TMEM114: variants seen among roughly 807,000 people sequenced by gnomAD.
TMEM114 encodes claudin-26.
TMEM114 carries 6 observed loss-of-function variants against 6.2 expected under a neutral mutation model. The observed-to-expected ratio is 0.97, with a 90% CI of 0.53 to 1.91. The LOEUF (loss-of-function observed/expected upper bound fraction) is 1.91. Among genes scored for constraint, TMEM114 ranks in the 40% most tolerant of loss-of-function variants. TMEM114 has a pLI of 0.01. For missense variants in TMEM114, 218 were observed against 158.3 expected, an observed-to-expected ratio of 1.38 and a Z score of -2.02; for synonymous variants, 104 against 73.0, an observed-to-expected ratio of 1.42 and a Z score of -2.16.
intron 2 of TMEM114, among the ~76,000 whole-genome samples, chr16:8,562,737 TGACG>T (rs1901303408): frequency 6.6e-6 from 1 of 150,972 alleles, no homozygotes; most frequent in African/African-American, 2.5e-5. Flanking sequence ...AGGGAATGAG[TGACG>T]GAGTAAATGA....
chr16:8,538,771 G>A (rs889439820), intron 2 of TMEM114, among the ~76,000 whole-genome samples: 1 of 152,204 alleles, frequency 6.6e-6, no homozygotes, highest in Non-Finnish European at 1.5e-5. Context: ...CTCCCAAGGT[G>A]CTGGGATTAC....
At chr16:8,565,065 ATGAG>A (rs541918501), downstream of TMEM114, among the ~76,000 whole-genome samples, 34 of 146,664 alleles carry the variant, frequency 2.3e-4, no homozygotes, top group East Asian at 4.1e-4. Flanking sequence ...GAGTGAGTGA[ATGAG>A]TGAGTGAGTG....
At chr16:8,589,185 C>T (rs1902406774) in intron 2 of TMEM114, 28 bp downstream of exon 2, 1 of 398,680 alleles carries the variant, frequency 2.5e-6, no homozygotes, top group Non-Finnish European at 4.4e-6. Flanking sequence ...CGGGGCGCTC[C>T]CTCCATCCTC....
chr16:8,576,043 G>A (rs1901914523), intron 2 of TMEM114, among the ~76,000 whole-genome samples: 1 of 152,062 alleles, frequency 6.6e-6, no homozygotes, highest in African/African-American at 2.4e-5. Context: ...ATAATCTCTT[G>A]GAACTCCGAC....
chr16:8,557,242 G>C (rs926161215), intron 2 of TMEM114, among the ~76,000 whole-genome samples: 1 of 152,128 alleles, frequency 6.6e-6, no homozygotes, highest in Non-Finnish European at 1.5e-5. Flanking sequence ...TCTGAGACTA[G>C]GTCACAAAAG....
At chr16:8,556,185 G>A (rs1022313300) in intron 2 of TMEM114, among the ~76,000 whole-genome samples, 39 of 151,596 alleles carry the variant, frequency 2.6e-4, no homozygotes, top group African/African-American at 7.8e-4. Context: ...TCTCCTTCCC[G>A]CCAGCTCTGC....
At chr16:8,570,220 G>T (rs1301361380) in intron 3 of TMEM114, among the ~76,000 whole-genome samples, 1 of 152,210 alleles carries the variant, frequency 6.6e-6, no homozygotes, top group African/African-American at 2.4e-5. Context: ...ACACATGGCA[G>T]CTCACGCTTC....
chr16:8,552,087 A>T (rs938317072), intron 2 of TMEM114, among the ~76,000 whole-genome samples: 8 of 152,098 alleles, frequency 5.3e-5, no homozygotes, highest in Non-Finnish European at 1.0e-4. Context: ...CAAGGACTAT[A>T]AGGGGGACCA....
At chr16:8,541,271 T>A (rs6501156) in intron 2 of TMEM114, among the ~76,000 whole-genome samples, 127,563 of 152,192 alleles carry the variant, frequency 0.84, 53,826 homozygotes, top group African/African-American at 0.93. Flanking sequence ...ACTTATGTCT[T>A]ACTCAAGAGC....
At chr16:8,534,927 G>A (rs1171417776), downstream of TMEM114, among the ~76,000 whole-genome samples, 1 of 152,212 alleles carries the variant, frequency 6.6e-6, no homozygotes, top group Non-Finnish European at 1.5e-5. Flanking sequence ...CAGCACTTAG[G>A]TCCCTGTGCA....
At chr16:8,588,628 C>T (rs1279198024) in intron 2 of TMEM114, among the ~76,000 whole-genome samples, 1 of 152,168 alleles carries the variant, frequency 6.6e-6, no homozygotes, top group African/African-American at 2.4e-5. Context: ...TACTAAGAAC[C>T]AACCAGGAAT....
chr16:8,564,107 A>AC (rs1901415903), intron 2 of TMEM114, among the ~76,000 whole-genome samples: 1 of 139,976 alleles, frequency 7.1e-6, no homozygotes, highest in Admixed American at 7.0e-5. Flanking sequence ...ATGAGTGAGG[A>AC]AATAAGTAAG....
intron 2 of TMEM114, among the ~76,000 whole-genome samples, chr16:8,587,943 G>A (rs1902365468): frequency 6.6e-6 from 1 of 151,800 alleles, no homozygotes; most frequent in South Asian, 2.1e-4. Flanking sequence ...TGACCCAGGA[G>A]TTCAAGACCA....
chr16:8,585,588 C>A (rs1351611678), intron 2 of TMEM114, among the ~76,000 whole-genome samples: 2 of 150,914 alleles, frequency 1.3e-5, no homozygotes, highest in East Asian at 3.9e-4. Context: ...GAGCTTGGAC[C>A]AAACTCAAAA....
intron 2 of TMEM114, among the ~76,000 whole-genome samples, chr16:8,548,839 A>G (rs1596470162): frequency 6.6e-6 from 1 of 152,270 alleles, no homozygotes; most frequent in East Asian, 1.9e-4. Flanking sequence ...GCATCTTCCA[A>G]TTTAATAAAG....
intron 2 of TMEM114, among the ~76,000 whole-genome samples, chr16:8,548,662 T>C (rs1237860208): frequency 2.1e-5 from 3 of 140,268 alleles, no homozygotes; most frequent in South Asian, 2.2e-4. Flanking sequence ...GTCCTTTTCT[T>C]GCCCATAGAG....
intron 2 of TMEM114, among the ~76,000 whole-genome samples, chr16:8,558,249 A>G (rs1901079043): frequency 2.0e-5 from 3 of 152,298 alleles, no homozygotes; most frequent in Non-Finnish European, 1.5e-5. Context: ...GTCTGTCTCA[A>G]AAAGAAAAAG....
chr16:8,585,630 G>GA (rs145782890), intron 2 of TMEM114, among the ~76,000 whole-genome samples: 73 of 142,558 alleles, frequency 5.1e-4, no homozygotes, highest in South Asian at 1.1e-3. Context: ...ATTATGCGGA[G>GA]AAAAAAAAAA....
chr16:8,574,851 C>T (rs1177669340), intron 2 of TMEM114, among the ~76,000 whole-genome samples: 1 of 152,134 alleles, frequency 6.6e-6, no homozygotes, highest in Non-Finnish European at 1.5e-5. Flanking sequence ...AAGAGCAAGC[C>T]ACCCAGGAGA....
Sources: gnomAD v4.1 joint callset for allele counts (sites outside exome capture counted in the v4.1 genomes callset) on GRCh38, gnomAD v4.1.1 for gene constraint, MANE v1.5 for transcripts, NCBI Gene and HGNC (gene_info 2026-07-23, HGNC 2026-07-21) for gene names.